ADAMTS6: variants seen among roughly 807,000 people sequenced by gnomAD.
ADAMTS6 encodes A disintegrin and metalloproteinase with thrombospondin motifs 6.
ADAMTS6 carries 23 observed loss-of-function variants against 144.3 expected under a neutral mutation model. The ratio of observed to expected loss-of-function variants is 0.16; its 90% CI spans 0.11 to 0.23. The LOEUF (loss-of-function observed/expected upper bound fraction) is 0.23, where lower values mean the gene tolerates loss of function less well. Ranked by LOEUF, ADAMTS6 falls within the 10% of genes least tolerant of loss-of-function variation. ADAMTS6 has a pLI of 1.00. For missense variants in ADAMTS6, 999 were observed against 1,379.6 expected (o/e 0.72, Z 4.37); for synonymous variants, 444 against 457.5 (o/e 0.97, Z 0.38).
At chr5:65,401,213 A>T (rs1753886493) in intron 7 of ADAMTS6, among the ~76,000 whole-genome samples, 1 of 152,166 alleles carries the variant, frequency 6.6e-6, no homozygotes, top group Non-Finnish European at 1.5e-5. Context: ...TAGTCCTACA[A>T]TTAGGTCTCA....
intron 20 of ADAMTS6, among the ~76,000 whole-genome samples, chr5:65,203,711 A>G (rs1160732866): frequency 1.3e-5 from 2 of 152,224 alleles, no homozygotes; most frequent in African/African-American, 4.8e-5. Flanking sequence ...TAGTAATATC[A>G]TAAGTTCCCA....
At chr5:65,427,571 G>A (rs961104450) in intron 7 of ADAMTS6, among the ~76,000 whole-genome samples, 1 of 152,174 alleles carries the variant, frequency 6.6e-6, no homozygotes, top group African/African-American at 2.4e-5. Context: ...GGCCGAGGCA[G>A]GCGGATCGTG....
intron 11 of ADAMTS6, among the ~76,000 whole-genome samples, chr5:65,273,861 A>G (rs1341439921): frequency 1.3e-5 from 2 of 152,228 alleles, no homozygotes; most frequent in Admixed American, 1.3e-4. Context: ...TAGATCTACC[A>G]TAATATTCAA....
intron 11 of ADAMTS6, among the ~76,000 whole-genome samples, chr5:65,290,123 A>G (rs546500187): frequency 6.6e-6 from 1 of 152,340 alleles, no homozygotes; most frequent in African/African-American, 2.4e-5. Flanking sequence ...GTCACCAAAG[A>G]GATATTTAAG....
At chr5:65,328,525 C>G (rs1746397060) in intron 9 of ADAMTS6, among the ~76,000 whole-genome samples, 3 of 111,086 alleles carry the variant, frequency 2.7e-5, no homozygotes, top group South Asian at 2.9e-4. Flanking sequence ...TTTAGAAGAG[C>G]TTTCCTGCTA....
At chr5:65,225,523 A>G (rs1417295889) in intron 16 of ADAMTS6, among the ~76,000 whole-genome samples, 1 of 152,204 alleles carries the variant, frequency 6.6e-6, no homozygotes, top group African/African-American at 2.4e-5. Flanking sequence ...AATCATACAC[A>G]GGTCTAGGAA....
chr5:65,187,947 T>C, intron 22 of ADAMTS6, 69 bp downstream of exon 22: 1 of 1,505,152 alleles, frequency 6.6e-7, no homozygotes, highest in Non-Finnish European at 9.2e-7. Flanking sequence ...GTGTCCTTAA[T>C]ATTAACTGCT....
intron 9 of ADAMTS6, among the ~76,000 whole-genome samples, chr5:65,314,404 G>T (rs775670793): frequency 6.6e-6 from 1 of 151,980 alleles, no homozygotes; most frequent in Non-Finnish European, 1.5e-5. Flanking sequence ...GACAATATCT[G>T]AAGGTGTGAC....
intron 7 of ADAMTS6, among the ~76,000 whole-genome samples, chr5:65,407,837 T>C (rs1754684874): frequency 6.6e-6 from 1 of 152,010 alleles, no homozygotes; most frequent in African/African-American, 2.4e-5. Flanking sequence ...AGCAAAGACT[T>C]GGAATCAACA....
chr5:65,301,143 TA>T (rs1429560544), intron 9 of ADAMTS6, among the ~76,000 whole-genome samples: 13 of 152,158 alleles, frequency 8.5e-5, no homozygotes, highest in African/African-American at 2.7e-4. Flanking sequence ...CAATGTGATC[TA>T]AAAAAACATT....
At chr5:65,447,859 A>G (rs1411230033) in intron 7 of ADAMTS6, among the ~76,000 whole-genome samples, 1 of 150,334 alleles carries the variant, frequency 6.7e-6, no homozygotes, top group Non-Finnish European at 1.5e-5. Context: ...GAAATATAAT[A>G]AACTATAGAA....
intron 9 of ADAMTS6, among the ~76,000 whole-genome samples, chr5:65,327,633 G>C (rs1470187048): frequency 6.6e-6 from 1 of 152,104 alleles, no homozygotes; most frequent in East Asian, 1.9e-4. Context: ...TAAGGTACAA[G>C]CCATTCATTG....
intron 7 of ADAMTS6, among the ~76,000 whole-genome samples, chr5:65,404,977 C>T (rs1333393392): frequency 1.3e-5 from 2 of 152,148 alleles, no homozygotes; most frequent in African/African-American, 4.8e-5. Flanking sequence ...CCTTTGCCCA[C>T]TTTTTGATGG....
At chr5:65,400,973 A>G (rs996189283) in intron 7 of ADAMTS6, among the ~76,000 whole-genome samples, 39 of 152,242 alleles carry the variant, frequency 2.6e-4, no homozygotes, top group African/African-American at 9.4e-4. Context: ...TTCTCCATTA[A>G]CACTTTTAGC....
At chr5:65,404,007 A>G (rs1754192410) in intron 7 of ADAMTS6, among the ~76,000 whole-genome samples, 1 of 152,140 alleles carries the variant, frequency 6.6e-6, no homozygotes, top group South Asian at 2.1e-4. Context: ...ATATAAAATC[A>G]ATGCTTAAGA....
At chr5:65,255,135 C>A (rs1021200260) in intron 14 of ADAMTS6, among the ~76,000 whole-genome samples, 1 of 152,202 alleles carries the variant, frequency 6.6e-6, no homozygotes, top group Non-Finnish European at 1.5e-5. Flanking sequence ...GGAGGGGTGA[C>A]CCTAACCCCA....
chr5:65,157,839 C>A (rs1020094173), intron 24 of ADAMTS6, among the ~76,000 whole-genome samples: 1 of 152,182 alleles, frequency 6.6e-6, no homozygotes, highest in African/African-American at 2.4e-5. Flanking sequence ...GATGAAATGG[C>A]AACTTTTGCT....
At chr5:65,292,553 T>C (rs555674326) in intron 10 of ADAMTS6, among the ~76,000 whole-genome samples, 1 of 152,232 alleles carries the variant, frequency 6.6e-6, no homozygotes, top group South Asian at 2.1e-4. Context: ...TAAAAGTTTC[T>C]CATATTCTTA....
rs542653427 is a variant in ADAMTS6 at position 65,163,216 on chromosome 5, A to AT, written c.3244+7400dup. Among the ~76,000 whole-genome samples the AT allele has an allele frequency of 1.3e-3, 201 of 149,074 alleles. 2 individuals carry two copies. In the South Asian group the frequency reaches 0.02, roughly 14 times the overall value. ...GTGAGCCACCACACCCAGCTAAGAG[A>AT]TTTTTTTTTTTAAAGATAATTTAAA... On this transcript the variant is annotated intron_variant, in intron 24 of 24. Coordinates refer to ENST00000381055, the MANE Select transcript of ADAMTS6 (RefSeq NM_197941.4).
Sources: allele counts gnomAD v4.1 joint callset (sites outside exome capture counted in the v4.1 genomes callset), GRCh38; gene constraint gnomAD v4.1.1; transcripts MANE v1.5; gene names NCBI Gene and HGNC (gene_info 2026-07-23, HGNC 2026-07-21).